Variants in SLC35F5 observed in about 807,000 individuals in gnomAD.
The protein encoded by SLC35F5 is HCV NS5A-transactivated protein 3.
Under a neutral mutation model 68.6 loss-of-function variants are expected in SLC35F5, and 54 were observed. That is an observed-to-expected ratio of 0.79 (90% CI 0.63 to 0.99). The LOEUF is 0.99. Ranked by LOEUF, SLC35F5 falls within the 50% of genes least tolerant of loss-of-function variation. The pLI is 0.00. For missense variants in SLC35F5, 567 were observed against 626.9 expected, an observed-to-expected ratio of 0.90 and a Z score of 1.02; for synonymous variants, 211 against 205.2, an observed-to-expected ratio of 1.03 and a Z score of -0.24.
intron 3 of SLC35F5, among the ~76,000 whole-genome samples, chr2:113,753,174 T>C (rs1464401202): frequency 3.4e-5 from 4 of 116,082 alleles, no homozygotes; most frequent in South Asian, 3.2e-4. Context: ...TTTTCTTTTT[T>C]TTTTTTTTTT....
intron 9 of SLC35F5, among the ~76,000 whole-genome samples, chr2:113,732,996 T>G (rs753697981): frequency 2.6e-5 from 4 of 152,208 alleles, no homozygotes; most frequent in Non-Finnish European, 5.9e-5. Context: ...ATTGTTGTTA[T>G]GTAAAATTCT....
At position 113,754,227 on chromosome 2, in the gene SLC35F5, T is replaced by C. The variant is rs371454832; in HGVS notation, c.273+938A>G. ...ATCCCTTGAACCCGGGAGGCGGAGG[T>C]TGCAGTGAGCCGAGATCGCACCATT... On this transcript the variant is annotated intron_variant, in intron 3 of 15. Coordinates refer to ENST00000245680, the MANE Select transcript of SLC35F5 (RefSeq NM_025181.5). Among the ~76,000 whole-genome samples the C allele has an allele frequency of 2.0e-5, 3 of 150,528 alleles. No individual in the cohort carries two copies. In the East Asian group the frequency reaches 5.9e-4, roughly 29 times the overall value.
chr2:113,719,312 A>G lies in SLC35F5; in HGVS notation c.1342-4T>C, dbSNP rs1687331959. Reference sequence around the variant, plus strand: ...AAAATAACCAAGAAAACTGCACCTAAAAATAAAAGATAGAGGAAAAAACAC... The same window carrying G: ...AAAATAACCAAGAAAACTGCACCTAGAAATAAAAGATAGAGGAAAAAACAC... On this transcript the variant is annotated splice_polypyrimidine_tract_variant and splice_region_variant and intron_variant, in intron 13 of 15. Transcript: ENST00000245680. 3 of 1,550,630 alleles carry G rather than the reference A, an allele frequency of 1.9e-6. No homozygotes were observed. The highest frequency in any genetic ancestry group is 2.6e-6 in the Non-Finnish European group (3 of 1,164,346).
At position 113,717,719 on chromosome 2, in the gene SLC35F5, C is replaced by T. The variant is rs373060150; in HGVS notation, c.*22+34G>A. 641 of 1,345,972 alleles carry T rather than the reference C, an allele frequency of 4.8e-4. 3 individuals are homozygous for T. In the Middle Eastern group the frequency reaches 6.5e-3, roughly 14 times the overall value. The allele number at this position is 1,345,972 out of a possible 1,614,324, so 83.4% of individuals were successfully genotyped here. A position where few individuals can be genotyped will look rare whatever the true frequency, so the allele number is the denominator to read the frequency against. On this transcript the variant is annotated intron_variant, in intron 15 of 15. Coordinates refer to ENST00000245680, the MANE Select transcript of SLC35F5 (RefSeq NM_025181.5). ...CTTTGAATATTACACAGATAAGAAC[C>T]TTATTCAATACTAAACCCAGCTCAC...
chr2:113,717,761 C>G lies in SLC35F5; in HGVS notation c.*14G>C. On this transcript the variant is annotated 3_prime_UTR_variant, in exon 15 of 16. Coordinates refer to ENST00000245680, the MANE Select transcript of SLC35F5 (RefSeq NM_025181.5). ...CCAGCTCACATACAAACCTGGGCTA[C>G]AGACAACAGACAGCTAACTAGCTCC... is the stretch of plus-strand genomic sequence containing the variant. 1 of 1,606,320 alleles carries G rather than the reference C, an allele frequency of 6.2e-7. No individual in the cohort carries two copies. The highest frequency in any genetic ancestry group is 8.5e-7 in the Non-Finnish European group (1 of 1,175,892).
intron 3 of SLC35F5, among the ~76,000 whole-genome samples, chr2:113,754,714 G>A (rs983187876): frequency 2.0e-5 from 3 of 152,202 alleles, no homozygotes; most frequent in Non-Finnish European, 4.4e-5. Flanking sequence ...AAGCATAAAT[G>A]TGGATGCAAC....
chr2:113,745,196 A>G (rs1676440551), intron 5 of SLC35F5, among the ~76,000 whole-genome samples: 1 of 152,224 alleles, frequency 6.6e-6, no homozygotes, highest in Non-Finnish European at 1.5e-5. Context: ...GCAGGCTGCC[A>G]TCTCAACTTT....
rs758333293 is a variant in SLC35F5, at chr2:113,742,790, T to C, written c.652A>G (p.Met218Val). ...SHALEAKLSR[M>V]SYPVKEQESI... ...TCTTGTTCTTTCACAGGATATGACATGCGAGACAACTTTGCTTCCAATGCA... is the reference window on the plus strand; with the variant it reads ...TCTTGTTCTTTCACAGGATATGACACGCGAGACAACTTTGCTTCCAATGCA... Residue 218 changes from methionine to valine, a missense_variant, in exon 7 of 16, where the codon ATG becomes GTG. Met to Val is a conservative substitution (Grantham distance 21). Coordinates refer to ENST00000245680, the MANE Select transcript of SLC35F5 (RefSeq NM_025181.5). The C allele has an allele frequency of 8.7e-6, 14 of 1,614,042 alleles. No homozygotes were observed. The highest frequency in any genetic ancestry group is 8.0e-5 in the African/African-American group (6 of 74,930).
chr2:113,703,414 C>G (rs1686734515), downstream of SLC35F5, among the ~76,000 whole-genome samples: 1 of 152,146 alleles, frequency 6.6e-6, no homozygotes, highest in Non-Finnish European at 1.5e-5. Flanking sequence ...TGATTAAAAG[C>G]CAACAAAATA....
At chr2:113,717,215 A>C (rs1687215841) in intron 15 of SLC35F5, among the ~76,000 whole-genome samples, 1 of 152,222 alleles carries the variant, frequency 6.6e-6, no homozygotes, top group Non-Finnish European at 1.5e-5. Context: ...AAAAAATGGA[A>C]AAAAATTCCA....
rs566227182 is a variant in SLC35F5, at chr2:113,723,110, C to A, written c.1335G>T (p.Met445Ile). The A allele has an allele frequency of 6.5e-7, 1 of 1,545,338 alleles. No individual in the cohort carries two copies. Among genetic ancestry groups the A allele is most frequent in the East Asian group, 2.3e-5 (1 of 42,562 alleles). ...IPLSIIADMCMQKVQFSWLFF... is the reference protein window; with the variant it reads ...IPLSIIADMCIQKVQFSWLFF... ...TAATAAATAGTTTCCTTACCTTTTG[C>A]ATACACATGTCAGCTATTATGGACA... The change falls in exon 13 of 16, where the codon ATG becomes ATT. Residue 445 changes from methionine to isoleucine, a missense_variant. Physicochemically the swap from Met to Ile is conservative, Grantham distance 10. Transcript: ENST00000245680.
chr2:113,735,028 G>T (rs1022764554), intron 8 of SLC35F5, among the ~76,000 whole-genome samples: 10 of 152,048 alleles, frequency 6.6e-5, no homozygotes, highest in African/African-American at 2.4e-4. Context: ...AAATACTTTT[G>T]TCTTCCAGAT....
chr2:113,735,090 T>G (rs566936085), intron 8 of SLC35F5, among the ~76,000 whole-genome samples: 1 of 152,306 alleles, frequency 6.6e-6, no homozygotes, highest in Non-Finnish European at 1.5e-5. Context: ...GGGCAAATTA[T>G]AGTTCTGAAA....
rs1160088614 is a variant in SLC35F5, at chr2:113,710,909, C to T, written c.*4309G>A. Among the ~76,000 whole-genome samples the T allele has an allele frequency of 6.6e-6, 1 of 152,174 alleles. No individual in the cohort carries two copies. Among genetic ancestry groups the T allele is most frequent in the Non-Finnish European group, 1.5e-5 (1 of 68,044 alleles). Reference sequence around the variant, plus strand: ...TATTATTAAATACTTGCTGTAATCACAACTAGGCATAGGAAAATCAAGTAG... The same window carrying T: ...TATTATTAAATACTTGCTGTAATCATAACTAGGCATAGGAAAATCAAGTAG... On this transcript the variant is annotated 3_prime_UTR_variant, in exon 16 of 16. Coordinates refer to ENST00000245680, the MANE Select transcript of SLC35F5 (RefSeq NM_025181.5).
chr2:113,747,012 C>A (rs750444220), intron 4 of SLC35F5, among the ~76,000 whole-genome samples: 1 of 151,616 alleles, frequency 6.6e-6, no homozygotes, highest in Non-Finnish European at 1.5e-5. Flanking sequence ...TGAGACCAAG[C>A]ACGGTGGCTC....
At chr2:113,741,982 G>C (rs577626012) in intron 7 of SLC35F5, 2 of 152,124 alleles carry the variant, frequency 1.3e-5, no homozygotes, top group South Asian at 2.1e-4. Context: ...AATCTTAAAG[G>C]CTCATATTTA....
chr2:113,712,372 A>AG lies in SLC35F5; in HGVS notation c.*2845dup, dbSNP rs1397143488. ...CTCGCTGTCGCCCAGGCTGGAGTGC[A>AG]GGGGCACGATCTCGGCTCACTGCAG... On this transcript the variant is annotated 3_prime_UTR_variant, in exon 16 of 16. Coordinates refer to ENST00000245680, the MANE Select transcript of SLC35F5 (RefSeq NM_025181.5). Among the ~76,000 whole-genome samples the AG allele has an allele frequency of 3.9e-5, 6 of 151,900 alleles. No homozygotes were observed. The highest frequency in any genetic ancestry group is 5.9e-5 in the Non-Finnish European group (4 of 68,012).
At chr2:113,755,682 C>T (rs920007970) in intron 1 of SLC35F5, 138 bp from the exon 2 acceptor site, 1 of 1,051,494 alleles carries the variant, frequency 9.5e-7, no homozygotes, top group East Asian at 2.6e-5. Flanking sequence ...ATACTTGCCA[C>T]CTTTCTCAGT....
At chr2:113,724,118 T>C (rs1687565503) in intron 12 of SLC35F5, among the ~76,000 whole-genome samples, 1 of 152,106 alleles carries the variant, frequency 6.6e-6, no homozygotes, top group South Asian at 2.1e-4. Context: ...GAACAACGAG[T>C]CCTTATTGAT....
Sources: allele counts gnomAD v4.1 joint callset (sites outside exome capture counted in the v4.1 genomes callset), GRCh38; gene constraint gnomAD v4.1.1; transcripts MANE v1.5; gene names NCBI Gene and HGNC (gene_info 2026-07-23, HGNC 2026-07-21).